Variants in RAP1GAP2 observed in about 807,000 individuals in gnomAD.
The protein encoded by RAP1GAP2 is rap1 GTPase-activating protein 2.
Under a neutral mutation model 95.0 loss-of-function variants are expected in RAP1GAP2, and 27 were observed. That is an observed-to-expected ratio of 0.28 (90% CI 0.21 to 0.39). The LOEUF (loss-of-function observed/expected upper bound fraction) is 0.39, where lower values mean the gene tolerates loss of function less well. RAP1GAP2 is among the 10% of genes least tolerant of loss of function. RAP1GAP2 has a pLI of 1.00. For synonymous variants in RAP1GAP2, 373 were observed against 380.9 expected, an observed-to-expected ratio of 0.98 and a Z score of 0.24; for missense variants, 771 against 970.0, an observed-to-expected ratio of 0.79 and a Z score of 2.72.
rs770768535 is a variant in RAP1GAP2 at position 2,991,334 on chromosome 17, G to T, written c.851G>T (p.Ser284Ile). ...GAGCTATTTGGGAACAATGAGGAGAGCCCAGCTTTTAAGGAGTTCTTGGAC... is the reference window on the plus strand; with the variant it reads ...GAGCTATTTGGGAACAATGAGGAGATCCCAGCTTTTAAGGAGTTCTTGGAC... ...EEELFGNNEE[S>I]PAFKEFLDLL... The change falls in exon 12 of 25, where the codon AGC becomes ATC. Residue 284 changes from serine to isoleucine, a missense_variant. Ser to Ile is a moderately radical substitution (Grantham distance 142). Coordinates refer to ENST00000254695, the MANE Select transcript of RAP1GAP2 (RefSeq NM_015085.5). 2.5e-6 allele frequency: 4 copies of T among 1,606,900 alleles called. No individual in the cohort carries two copies. The East Asian group carries it at 8.9e-5, about 36-fold the overall frequency.
intron 2 of RAP1GAP2, among the ~76,000 whole-genome samples, chr17:2,874,507 C>T (rs927824291): frequency 3.3e-5 from 5 of 152,122 alleles, no homozygotes; most frequent in African/African-American, 4.8e-5. Flanking sequence ...TTCTGGCACC[C>T]TCATTTCAAG....
At chr17:2,791,606 C>T (rs1316763280), upstream of RAP1GAP2, among the ~76,000 whole-genome samples, 1 of 152,130 alleles carries the variant, frequency 6.6e-6, no homozygotes, top group Admixed American at 6.5e-5. Flanking sequence ...CTCAGTGTTC[C>T]TATCTGTAAA....
At position 2,825,753 on chromosome 17, in the gene RAP1GAP2, T is replaced by TAAAC; in HGVS notation, c.80+25203_80+25204insAAAC. Among the ~76,000 whole-genome samples, 1 of 152,042 alleles carries TAAAC rather than the reference T, an allele frequency of 6.6e-6. No homozygotes were observed. The highest frequency in any genetic ancestry group is 1.9e-4 in the East Asian group (1 of 5,164). On this transcript the variant is annotated intron_variant, in intron 2 of 24. Coordinates refer to ENST00000254695, the MANE Select transcript of RAP1GAP2 (RefSeq NM_015085.5). This position sits in a 1 kb window ranked among gnomAD's most constrained non-coding sequence, Gnocchi z 4.1. Reference sequence around the variant, plus strand: ...TGCAGCTGTTACTGAAGACAGAGCGTTTAGGTGTGAAGAGGGTCTGGTGCC... The same window carrying TAAAC: ...TGCAGCTGTTACTGAAGACAGAGCGTAAACTTAGGTGTGAAGAGGGTCTGGTGCC...
chr17:2,970,890 C>A (rs970608830), intron 8 of RAP1GAP2, among the ~76,000 whole-genome samples: 5 of 151,964 alleles, frequency 3.3e-5, no homozygotes, highest in African/African-American at 1.2e-4. Context: ...AAAAAATTAG[C>A]TGGGTGAAGT....
At chr17:2,889,963 A>T (rs1395619166) in intron 2 of RAP1GAP2, among the ~76,000 whole-genome samples, 2 of 141,948 alleles carry the variant, frequency 1.4e-5, no homozygotes, top group East Asian at 4.2e-4. Flanking sequence ...ACCTCAAGTG[A>T]TCCGCCCGCT....
At chr17:2,889,589 T>C (rs958976579) in intron 2 of RAP1GAP2, among the ~76,000 whole-genome samples, 5 of 151,994 alleles carry the variant, frequency 3.3e-5, no homozygotes, top group Admixed American at 1.3e-4. Context: ...CCCTGGAGGC[T>C]CTTGCAGGTA....
intron 3 of RAP1GAP2, among the ~76,000 whole-genome samples, chr17:2,935,631 A>G (rs1380785811): frequency 6.6e-6 from 1 of 152,082 alleles, no homozygotes; most frequent in African/African-American, 2.4e-5. Flanking sequence ...AATCCAGTAC[A>G]CGTAGAGCCG....
At position 3,011,684 on chromosome 17, in the gene RAP1GAP2, A is replaced by ACCT. The variant is rs562073724; in HGVS notation, c.1494+3541_1494+3543dup. Among the ~76,000 whole-genome samples the ACCT allele has an allele frequency of 1.6e-3, 213 of 137,194 alleles. 5 individuals carry two copies. Among genetic ancestry groups the ACCT allele is most frequent in the Non-Finnish European group, 5.7e-4 (38 of 66,210 alleles). 90.0% of individuals were successfully genotyped at this position (137,194 alleles called of 152,430 possible). A position where few individuals can be genotyped will look rare whatever the true frequency, so the allele number is the denominator to read the frequency against. ...GCTCAGGCTGGAGTGCAGTGGTGCG[A>ACCT]CCTCGGCTCACTGCAACCTCTGCCT... is the stretch of plus-strand genomic sequence containing the variant. On this transcript the variant is annotated intron_variant, in intron 17 of 24. Coordinates refer to ENST00000254695, the MANE Select transcript of RAP1GAP2 (RefSeq NM_015085.5).
At chr17:2,930,137 T>G (rs572458033) in intron 3 of RAP1GAP2, among the ~76,000 whole-genome samples, 76 of 152,368 alleles carry the variant, frequency 5.0e-4, no homozygotes, top group African/African-American at 1.7e-3. Flanking sequence ...TGGATCTGCC[T>G]TGCAGTCAAC....
intron 18 of RAP1GAP2, among the ~76,000 whole-genome samples, chr17:3,019,028 C>G (rs1372867880): frequency 6.6e-6 from 1 of 152,206 alleles, no homozygotes; most frequent in Non-Finnish European, 1.5e-5. Context: ...TGCCACTGCA[C>G]TCCAGCCTGG....
At chr17:2,934,299 T>G (rs2043239751) in intron 3 of RAP1GAP2, among the ~76,000 whole-genome samples, 1 of 152,188 alleles carries the variant, frequency 6.6e-6, no homozygotes, top group African/African-American at 2.4e-5. Context: ...GCTAGGCTAA[T>G]TTTTGTATTT....
chr17:2,985,907 T>C (rs2045543693), intron 11 of RAP1GAP2, among the ~76,000 whole-genome samples: 2 of 152,154 alleles, frequency 1.3e-5, no homozygotes, highest in Admixed American at 1.3e-4. Flanking sequence ...ACCATGAACA[T>C]TTATTAACAT....
At chr17:2,929,930 G>A (rs73976725) in intron 3 of RAP1GAP2, among the ~76,000 whole-genome samples, 3,296 of 152,028 alleles carry the variant, frequency 0.022, 126 homozygotes, top group African/African-American at 0.076. Context: ...TTCAGGCCTC[G>A]GCGGGGGGCA....
chr17:2,889,889 A>ATTT (rs3039128), intron 2 of RAP1GAP2, among the ~76,000 whole-genome samples: 64 of 57,212 alleles, frequency 1.1e-3, no homozygotes, highest in African/African-American at 1.7e-3. Context: ...ATATATATAT[A>ATTT]TTTTTTTTTT....
At chr17:2,960,678 T>G (rs2151480046) in intron 4 of RAP1GAP2, among the ~76,000 whole-genome samples, 1 of 152,266 alleles carries the variant, frequency 6.6e-6, no homozygotes, top group Non-Finnish European at 1.5e-5. Flanking sequence ...TCCTCGCTGG[T>G]GGAAAGTGCT....
intron 2 of RAP1GAP2, among the ~76,000 whole-genome samples, chr17:2,823,105 T>C (rs534026216): frequency 6.6e-6 from 1 of 151,878 alleles, no homozygotes; most frequent in South Asian, 2.1e-4. Context: ...GTGCAGAGGA[T>C]TGGGGTGTCA....
chr17:2,932,397 C>T (rs1373497932), intron 3 of RAP1GAP2, among the ~76,000 whole-genome samples: 1 of 151,910 alleles, frequency 6.6e-6, no homozygotes, highest in South Asian at 2.1e-4. Flanking sequence ...ACTGCATATC[C>T]CATAACAAGT....
intron 11 of RAP1GAP2, among the ~76,000 whole-genome samples, chr17:2,989,147 A>G (rs1449628818): frequency 6.6e-6 from 1 of 152,062 alleles, no homozygotes; most frequent in Non-Finnish European, 1.5e-5. Context: ...GCAGTGTATG[A>G]GTGATCCAGT....
chr17:2,780,403 C>T (rs572449239), intron 1 of RAP1GAP2, among the ~76,000 whole-genome samples: 9 of 152,350 alleles, frequency 5.9e-5, no homozygotes, highest in South Asian at 4.1e-4. Flanking sequence ...CCCAGGCCAC[C>T]GCCCCGTTTG....
Sources: gnomAD v4.1 joint callset for allele counts (sites outside exome capture counted in the v4.1 genomes callset) on GRCh38, gnomAD v4.1.1 for gene constraint, Gnocchi (gnomAD v3.1) non-coding constraint, MANE v1.5 for transcripts, NCBI Gene and HGNC (gene_info 2026-07-23, HGNC 2026-07-21) for gene names.